The following ZNF177 variants were observed in gnomAD, a reference collection of about 807,000 sequenced individuals.
ZNF177 encodes zinc finger protein 177.
Under a neutral mutation model 19.4 loss-of-function variants are expected in ZNF177, and 17 were observed. The ratio of observed to expected loss-of-function variants is 0.87; its 90% CI spans 0.60 to 1.31. The LOEUF (loss-of-function observed/expected upper bound fraction) is 1.31. Among genes scored for constraint, ZNF177 ranks in the 40% most tolerant of loss-of-function variants. ZNF177 has a pLI of 0.00. For synonymous variants in ZNF177, 220 were observed against 188.7 expected, an observed-to-expected ratio of 1.17 and a Z score of -1.36; for missense variants, 633 against 561.8, an observed-to-expected ratio of 1.13 and a Z score of -1.28.
chr19:9,374,551 C>T (rs759108036), upstream of ZNF177, among the ~76,000 whole-genome samples: 39 of 152,054 alleles, frequency 2.6e-4, no homozygotes, highest in Non-Finnish European at 4.4e-5. Context: ...CTTCTACTTT[C>T]ACCAGTGTTT....
At position 9,365,860 on chromosome 19, in the gene ZNF177, A is replaced by T. The variant is rs182749251; in HGVS notation, c.-305+912A>T. ...TTGGAGAAGAGAGTAAAAAGAGGCC[A>T]CTTACCTGATTTAAAATTGGATTGA... is the stretch of plus-strand genomic sequence containing the variant. On this transcript the variant is annotated intron_variant, in intron 2 of 8. Coordinates refer to the ZNF177 transcript ENST00000343499. Among the ~76,000 whole-genome samples the T allele has an allele frequency of 1.4e-4, 21 of 152,232 alleles. No individual in the cohort carries two copies. The East Asian group carries it at 2.5e-3, about 18-fold the overall frequency.
intron 1 of ZNF177, among the ~76,000 whole-genome samples, chr19:9,363,519 T>A (rs1020123120): frequency 6.6e-6 from 1 of 152,246 alleles, no homozygotes; most frequent in Admixed American, 6.5e-5. Flanking sequence ...TAGTGCCTGA[T>A]ACACATTTGA....
At chr19:9,375,005 G>C (rs2068092221), upstream of ZNF177, among the ~76,000 whole-genome samples, 2 of 152,152 alleles carry the variant, frequency 1.3e-5, no homozygotes, top group Non-Finnish European at 2.9e-5. Flanking sequence ...TGGTGTTGAA[G>C]TACTTTCCTT....
chr19:9,363,238 C>T (rs1238191401), intron 1 of ZNF177, 154 bp downstream of exon 1: 1 of 152,354 alleles, frequency 6.6e-6, no homozygotes, highest in Non-Finnish European at 1.5e-5. Flanking sequence ...TTTGGTTCCT[C>T]CCGGCACTGC....
chr19:9,368,612 T>C (rs1335978098), intron 2 of ZNF177, among the ~76,000 whole-genome samples: 1 of 152,168 alleles, frequency 6.6e-6, no homozygotes, highest in African/African-American at 2.4e-5. Flanking sequence ...TAAGTTCACT[T>C]CTTTTCTAAT....
chr19:9,369,559 A>C (rs2068021877), intron 2 of ZNF177, among the ~76,000 whole-genome samples: 1 of 152,162 alleles, frequency 6.6e-6, no homozygotes. Context: ...GTCTGTTTTT[A>C]AACTGCAGAA....
chr19:9,365,277 T>G (rs1002116597), intron 2 of ZNF177, among the ~76,000 whole-genome samples: 32 of 150,888 alleles, frequency 2.1e-4, no homozygotes, highest in African/African-American at 6.3e-4. Context: ...GAAGGGGGAA[T>G]GGAGGGCAGA....
chr19:9,368,763 G>A (rs1391048916), intron 2 of ZNF177, among the ~76,000 whole-genome samples: 1 of 152,104 alleles, frequency 6.6e-6, no homozygotes, highest in Non-Finnish European at 1.5e-5. Context: ...TTATTTGGAA[G>A]TGTGATGTTT....
At chr19:9,365,433 A>T (rs909121507) in intron 2 of ZNF177, among the ~76,000 whole-genome samples, 2 of 152,012 alleles carry the variant, frequency 1.3e-5, no homozygotes, top group Non-Finnish European at 2.9e-5. Flanking sequence ...TGCACCCCAG[A>T]AAAGTGGAGA....
At chr19:9,372,351 C>T (rs1260641246), upstream of ZNF177, among the ~76,000 whole-genome samples, 2 of 152,036 alleles carry the variant, frequency 1.3e-5, no homozygotes, top group African/African-American at 2.4e-5. Flanking sequence ...CCTTGCTTCA[C>T]GCTTTCATAT....
intron 1 of ZNF177, among the ~76,000 whole-genome samples, chr19:9,377,129 TTAA>T (rs1013021920): frequency 6.6e-6 from 1 of 152,174 alleles, no homozygotes; most frequent in African/African-American, 2.4e-5. Context: ...TCATAACATT[TTAA>T]TAGTGCTAAA....
chr19:9,379,925 G>A, intron 4 of ZNF177, 132 bp from the exon 7 acceptor site: 8 of 1,083,904 alleles, frequency 7.4e-6, no homozygotes, highest in Non-Finnish European at 1.0e-5. Context: ...TGAATCACTG[G>A]TTGTGTCTTC....
At chr19:9,366,005 A>G (rs2067973913) in intron 2 of ZNF177, among the ~76,000 whole-genome samples, 1 of 152,130 alleles carries the variant, frequency 6.6e-6, no homozygotes, top group South Asian at 2.1e-4. Context: ...GAGTCACAGC[A>G]CCAAATCTAC....
chr19:9,372,755 A>T (rs1446314843), upstream of ZNF177, among the ~76,000 whole-genome samples: 1 of 151,772 alleles, frequency 6.6e-6, no homozygotes, highest in Non-Finnish European at 1.5e-5. Context: ...CATGTTGTTC[A>T]GGCTGGTCTT....
intron 3 of ZNF177, chr19:9,379,313 G>T: frequency 9.3e-7 from 1 of 1,070,894 alleles, no homozygotes; most frequent in Non-Finnish European, 1.3e-6. Flanking sequence ...CTCATCTTGT[G>T]TATAGGTTTC....
chr19:9,374,769 G>A (rs1439115793), upstream of ZNF177, among the ~76,000 whole-genome samples: 4 of 151,282 alleles, frequency 2.6e-5, no homozygotes, highest in African/African-American at 9.7e-5. Flanking sequence ...GTGTCTTTAG[G>A]GTTTTCTAGA....
intron 2 of ZNF177, among the ~76,000 whole-genome samples, chr19:9,371,230 T>G (rs542185113): frequency 1.2e-4 from 19 of 152,134 alleles, no homozygotes; most frequent in Non-Finnish European, 2.8e-4. Flanking sequence ...CAGAATATCT[T>G]TTTACATTTG....
At chr19:9,379,146 T>A (rs2068153002) in intron 3 of ZNF177, 58 bp downstream of exon 5, 2 of 1,533,430 alleles carry the variant, frequency 1.3e-6, no homozygotes, top group South Asian at 2.5e-5. Context: ...TAAGCACATA[T>A]TATGTTCCAG....
chr19:9,372,540 C>CTTTTTTTTTTTT (rs61321271), upstream of ZNF177, among the ~76,000 whole-genome samples: 8 of 84,578 alleles, frequency 9.5e-5, no homozygotes, highest in South Asian at 4.7e-4. Context: ...CTTTCTTTTC[C>CTTTTTTTTTTTT]TTTTTTTTTT....
Sources: gnomAD v4.1 joint callset for allele counts (sites outside exome capture counted in the v4.1 genomes callset) on GRCh38, gnomAD v4.1.1 for gene constraint, MANE v1.5 for transcripts, NCBI Gene and HGNC (gene_info 2026-07-23, HGNC 2026-07-21) for gene names.